RXYLT1: variants seen among roughly 807,000 people sequenced by gnomAD.
The protein encoded by RXYLT1 is ribitol xylosyltransferase 1.
RXYLT1 carries 41 observed loss-of-function variants against 43.5 expected under a neutral mutation model. The observed-to-expected ratio is 0.94, with a 90% CI of 0.73 to 1.22. The LOEUF (loss-of-function observed/expected upper bound fraction) is 1.22, where lower values mean the gene tolerates loss of function less well. RXYLT1 is among the 50% of genes most tolerant of loss of function. The pLI, the probability that RXYLT1 is intolerant of heterozygous loss-of-function variation, is 0.00. For synonymous variants in RXYLT1, 166 were observed against 194.4 expected (o/e 0.85, Z 1.21); for missense variants, 514 against 532.0 (o/e 0.97, Z 0.33).
intron 4 of RXYLT1, chr12:63,804,576 G>A (rs1391001440): frequency 1.3e-5 from 2 of 151,962 alleles, no homozygotes; most frequent in Non-Finnish European, 2.9e-5. Flanking sequence ...TGATAATGGG[G>A]TACAAATGAT....
At chr12:63,795,285 AAAGAAGAAGAAG>A (rs33957381) in intron 3 of RXYLT1, among the ~76,000 whole-genome samples, 3 of 150,056 alleles carry the variant, frequency 2.0e-5, no homozygotes, top group South Asian at 2.1e-4. Context: ...TGTCAAAAAA[AAAGAAGAAGAAG>A]AAGAAGAAGA....
intron 5 of RXYLT1, chr12:63,808,452 G>A (rs1261039111): frequency 5.6e-6 from 3 of 532,686 alleles, no homozygotes; most frequent in Middle Eastern, 4.9e-4. Context: ...GAAGTGTTAC[G>A]GTGACTCCTA....
chr12:63,784,949 G>T (rs766070044), intron 2 of RXYLT1, 21 bp from the exon 3 acceptor site: 1 of 1,603,554 alleles, frequency 6.2e-7, no homozygotes, highest in Non-Finnish European at 8.5e-7. Flanking sequence ...TTTTGATTTT[G>T]TTTTTGTTGT....
rs923033216 is a variant in RXYLT1 at position 63,781,027 on chromosome 12, A to C, written c.178A>C (p.Thr60Pro). Reference sequence around the variant, plus strand: ...TACTCTTTTTAAAACAGAACAGTCCACTTTGGAAAGTGAAGAATGGAATCC... The same window carrying C: ...TACTCTTTTTAAAACAGAACAGTCCCCTTTGGAAAGTGAAGAATGGAATCC... ...ARERRGREQSTLESEEWNPWE... is the reference protein window; with the variant it reads ...ARERRGREQSPLESEEWNPWE... The change falls in exon 2 of 6, where the codon ACT (threonine) becomes CCT (proline). Residue 60 changes from threonine (T) to proline (P), a missense_variant. Thr to Pro is a conservative substitution (Grantham distance 38). Transcript: ENST00000261234. The C allele has an allele frequency of 3.8e-6, 6 of 1,599,124 alleles. No homozygotes were observed. The African/African-American group carries it at 8.1e-5, about 22-fold the overall frequency.
intron 2 of RXYLT1, among the ~76,000 whole-genome samples, chr12:63,782,261 A>G (rs371963950): frequency 2.0e-4 from 31 of 152,310 alleles, no homozygotes; most frequent in African/African-American, 6.5e-4. Context: ...GGGGAGAAAA[A>G]TTGAAGTAAA....
intron 3 of RXYLT1, among the ~76,000 whole-genome samples, chr12:63,800,999 AT>A (rs1400539164): frequency 6.6e-6 from 1 of 151,958 alleles, no homozygotes; most frequent in African/African-American, 2.4e-5. Flanking sequence ...TCTCTGTCAT[AT>A]TTGCTTCAGA....
Position 63,808,238 on chromosome 12 carries a change from C to T in RXYLT1, c.915-437C>T, listed in dbSNP as rs142441119. On this transcript the variant is annotated intron_variant, in intron 5 of 5. Coordinates refer to ENST00000261234, the MANE Select transcript of RXYLT1 (RefSeq NM_014254.3). ...CCTCATCACTTATTTAAGATTGCAA[C>T]CCTACCCCCTTAGAAACTCCTGCTC... 401 of 171,280 alleles carry T rather than the reference C, an allele frequency of 2.3e-3. 1 individual carries two copies. The highest frequency in any genetic ancestry group is 3.1e-3 in the Non-Finnish European group (258 of 82,036). 10.6% of individuals were successfully genotyped at this position (171,280 alleles called of 1,614,324 possible).
intron 2 of RXYLT1, among the ~76,000 whole-genome samples, chr12:63,783,090 T>C (rs911705111): frequency 3.3e-5 from 5 of 152,222 alleles, no homozygotes; most frequent in East Asian, 1.9e-4. Context: ...TTTACTGTTA[T>C]ATAACAAGGA....
intron 2 of RXYLT1, among the ~76,000 whole-genome samples, chr12:63,783,663 C>G (rs1347414629): frequency 6.6e-6 from 1 of 152,188 alleles, no homozygotes; most frequent in Non-Finnish European, 1.5e-5. Context: ...ACAGTTCTCT[C>G]AGCCTTTCCC....
intron 3 of RXYLT1, among the ~76,000 whole-genome samples, chr12:63,793,576 T>C (rs1264140974): frequency 6.6e-6 from 1 of 152,200 alleles, no homozygotes; most frequent in Non-Finnish European, 1.5e-5. Context: ...ATAATATTTC[T>C]ACAATAGAAA....
chr12:63,795,305 A>AGAAGAAGAAG (rs2136227702), intron 3 of RXYLT1, among the ~76,000 whole-genome samples: 1 of 151,288 alleles, frequency 6.6e-6, no homozygotes, highest in South Asian at 2.1e-4. Flanking sequence ...AAGAAGAAGA[A>AGAAGAAGAAG]GAAGAAGGGC....
chr12:63,794,670 T>C (rs949956), intron 3 of RXYLT1, among the ~76,000 whole-genome samples: 29,693 of 151,938 alleles, frequency 0.2, 4,231 homozygotes, highest in East Asian at 0.58. Context: ...AAGGGCCTTT[T>C]GACCGGGCAT....
At chr12:63,782,711 C>T in intron 2 of RXYLT1, 2 of 440,836 alleles carry the variant, frequency 4.5e-6, no homozygotes. Context: ...ACCTGTAAGT[C>T]ACATGTATAA....
intron 2 of RXYLT1, among the ~76,000 whole-genome samples, chr12:63,782,207 T>C (rs976446145): frequency 2.0e-5 from 3 of 152,228 alleles, no homozygotes; most frequent in South Asian, 2.1e-4. Flanking sequence ...GCCTATTCTC[T>C]AGACACAGTT....
chr12:63,792,031 A>G lies in RXYLT1; in HGVS notation c.428+6959A>G, dbSNP rs118049413. Among the ~76,000 whole-genome samples, 109 of 152,344 alleles carry G rather than the reference A, an allele frequency of 7.2e-4. 1 individual carries two copies. The East Asian group carries it at 0.019, about 26-fold the overall frequency. On this transcript the variant is annotated intron_variant, in intron 3 of 5. Transcript: ENST00000261234. ...CACTGAAAGGCTAAGTACCTGGCCT[A>G]AGGTTACATACTTCTAATTAGTGGG... is the stretch of plus-strand genomic sequence containing the variant.
chr12:63,796,846 G>GA (rs1898043120), intron 3 of RXYLT1, among the ~76,000 whole-genome samples: 1 of 150,534 alleles, frequency 6.6e-6, no homozygotes, highest in Non-Finnish European at 1.5e-5. Flanking sequence ...CATTCATTAG[G>GA]AAAAAAGCCT....
chr12:63,793,183 A>C (rs536992922), intron 3 of RXYLT1, among the ~76,000 whole-genome samples: 3 of 152,284 alleles, frequency 2.0e-5, no homozygotes, highest in Admixed American at 6.5e-5. Context: ...TTGACTTTTA[A>C]ATGTTTTTAG....
chr12:63,800,741 CA>C (rs1289176994), intron 3 of RXYLT1, among the ~76,000 whole-genome samples: 22 of 151,814 alleles, frequency 1.4e-4, no homozygotes, highest in African/African-American at 4.4e-4. Context: ...GCCAACATGG[CA>C]AAAACCCTGT....
chr12:63,784,882 TA>T, intron 2 of RXYLT1, 87 bp from the exon 3 acceptor site: 1 of 1,159,056 alleles, frequency 8.6e-7, no homozygotes, highest in Non-Finnish European at 1.2e-6. Context: ...GTCAAATGAG[TA>T]AAAGAACAGA....
Sources: gnomAD v4.1 joint callset for allele counts (sites outside exome capture counted in the v4.1 genomes callset) on GRCh38, gnomAD v4.1.1 for gene constraint, MANE v1.5 for transcripts, NCBI Gene and HGNC (gene_info 2026-07-23, HGNC 2026-07-21) for gene names.